LAMB4: variants seen among roughly 807,000 people sequenced by gnomAD.
The protein encoded by LAMB4 is laminin subunit beta-4.
Under a neutral mutation model 199.2 loss-of-function variants are expected in LAMB4, and 196 were observed. The ratio of observed to expected loss-of-function variants is 0.98; its 90% CI spans 0.88 to 1.11. LAMB4 has a LOEUF of 1.11. LAMB4 is among the 50% of genes least tolerant of loss of function. The pLI is 0.00. For missense variants in LAMB4, 2,080 were observed against 2,171.2 expected, an observed-to-expected ratio of 0.96 and a Z score of 0.83; for synonymous variants, 744 against 770.6, an observed-to-expected ratio of 0.97 and a Z score of 0.57.
At chr7:108,104,894 A>C (rs897415140) in intron 8 of LAMB4, among the ~76,000 whole-genome samples, 7 of 152,060 alleles carry the variant, frequency 4.6e-5, no homozygotes, top group Non-Finnish European at 1.0e-4. Context: ...TGCAGCCCTC[A>C]ATAAAATGAG....
rs1458406095 is a variant in LAMB4, at chr7:108,123,188, T to G, written c.-24A>C. On this transcript the variant is annotated 5_prime_UTR_variant, in exon 2 of 34. Transcript: ENST00000388781. The stretch of plus-strand genomic sequence containing the variant: ...ATTCTTTTGTCAGGAGATGATTAAA[T>G]TCAATTCTACTGGGTTAAAAAAAGG... 6.2e-7 allele frequency: 1 copy of G among 1,600,818 alleles called. No homozygotes were observed. The highest frequency in any genetic ancestry group is 8.5e-7 in the Non-Finnish European group (1 of 1,172,562).
Position 108,024,091 on chromosome 7 carries a change from A to T in LAMB4, c.5234T>A (p.Ile1745Asn). 6.2e-7 allele frequency: 1 copy of T among 1,608,358 alleles called. No individual in the cohort carries two copies. Among genetic ancestry groups the T allele is most frequent in the Non-Finnish European group, 8.5e-7 (1 of 1,176,988 alleles). Residue 1745 changes from isoleucine to asparagine, a missense_variant, in exon 34 of 34, where the codon ATT (isoleucine) becomes AAT (asparagine). By Grantham distance (149) the Ile-to-Asn change is moderately radical. Transcript: ENST00000388781. Reference protein sequence around the residue: ...LRILEDQVVAIKNEIVEQEKK... With the variant: ...LRILEDQVVANKNEIVEQEKK... ...TTCTTGTTCAACAATTTCATTTTTA[A>T]TGGCAACAACTTGATCTTCCAATAT...
intron 6 of LAMB4, 52 bp downstream of exon 6, chr7:108,107,579 A>G: frequency 2.9e-6 from 4 of 1,379,448 alleles, no homozygotes; most frequent in Non-Finnish European, 4.0e-6. Flanking sequence ...AGTTAATTAT[A>G]CTTTTTAAAA....
At position 108,085,403 on chromosome 7, in the gene LAMB4, T is replaced by C. The variant is rs548327181; in HGVS notation, c.1702-5617A>G. Among the ~76,000 whole-genome samples, 9 of 152,328 alleles carry C rather than the reference T, an allele frequency of 5.9e-5. No individual in the cohort carries two copies. The South Asian group carries it at 1.9e-3, about 32-fold the overall frequency. On this transcript the variant is annotated intron_variant, in intron 14 of 33. Coordinates refer to ENST00000388781, the MANE Select transcript of LAMB4 (RefSeq NM_007356.3). Reference sequence around the variant, plus strand: ...AAACTGGCACTGCACTCTGCAAAGATGAATGGTACAATTCATACTAATAAT... The same window carrying C: ...AAACTGGCACTGCACTCTGCAAAGACGAATGGTACAATTCATACTAATAAT...
intron 1 of LAMB4, among the ~76,000 whole-genome samples, chr7:108,124,023 T>C (rs1234651748): frequency 2.0e-5 from 3 of 151,868 alleles, no homozygotes; most frequent in African/African-American, 4.8e-5. Context: ...TTTTTTTTTT[T>C]CCTTTTTTTA....
At chr7:108,079,256 C>T (rs901787597) in intron 15 of LAMB4, among the ~76,000 whole-genome samples, 24 of 152,160 alleles carry the variant, frequency 1.6e-4, no homozygotes, top group African/African-American at 5.3e-4. Flanking sequence ...AATGTCTGCA[C>T]ATGTGTTGGT....
At chr7:108,052,039 C>T in intron 26 of LAMB4, 58 bp downstream of exon 26, 1 of 1,445,976 alleles carries the variant, frequency 6.9e-7, no homozygotes, top group South Asian at 1.3e-5. Context: ...TAATGGAATG[C>T]ACTGTGGATT....
downstream of LAMB4, among the ~76,000 whole-genome samples, chr7:108,018,717 A>T (rs1395786421): frequency 1.3e-5 from 2 of 151,862 alleles, no homozygotes; most frequent in Non-Finnish European, 2.9e-5. Context: ...AAACAAAAAC[A>T]AAAAAGAGGC....
At chr7:108,093,318 G>A (rs1399973751) in intron 12 of LAMB4, among the ~76,000 whole-genome samples, 2 of 152,150 alleles carry the variant, frequency 1.3e-5, no homozygotes, top group Admixed American at 6.5e-5. Context: ...ATCTGCCTCG[G>A]CCTCCCAAAG....
In LAMB4 at chr7:108,104,503, G is replaced by C; in HGVS notation, c.987C>G (p.Cys329Trp). Residue 329 changes from cysteine to tryptophan, a missense_variant, in exon 9 of 34, where the codon TGC becomes TGG. Transcript: ENST00000388781. ...AGGGAACTGAGTTTCACCCACATCT[G>C]CAAGCGTTGTCCTGGAGGTCTGCAG... is the stretch of plus-strand genomic sequence containing the variant. ...RPAADLQDNA[C>W]RSCSCNSHSS... 2 of 1,614,116 alleles carry C rather than the reference G, an allele frequency of 1.2e-6. No individual in the cohort carries two copies. The highest frequency in any genetic ancestry group is 1.7e-6 in the Non-Finnish European group (2 of 1,179,994).
intron 1 of LAMB4, among the ~76,000 whole-genome samples, chr7:108,124,937 C>T (rs548078609): frequency 6.6e-5 from 10 of 152,256 alleles, no homozygotes; most frequent in Non-Finnish European, 1.3e-4. Context: ...GTCAGCCTCC[C>T]TATGAAGTCT....
At chr7:108,026,975 C>T (rs1027041547) in intron 33 of LAMB4, 7 of 483,710 alleles carry the variant, frequency 1.4e-5, no homozygotes, top group Admixed American at 4.7e-5. Context: ...CTGAGAAGCC[C>T]TCTAACTTCA....
At chr7:108,015,624 A>G in the LAMB4 span, among the ~76,000 whole-genome samples, 1 of 152,170 alleles carries the variant, frequency 6.6e-6, no homozygotes, top group Non-Finnish European at 1.5e-5. Context: ...TTTCCTATAT[A>G]ATCAAATAAA....
chr7:108,104,104 C>G (rs1221749920), intron 9 of LAMB4, among the ~76,000 whole-genome samples: 1 of 152,148 alleles, frequency 6.6e-6, no homozygotes. Context: ...TATTATCCTA[C>G]AGATGGGTTT....
Position 108,062,772 on chromosome 7 carries a change from G to C in LAMB4, c.3282+2C>G. 7.1e-7 allele frequency: 1 copy of C among 1,417,096 alleles called. No individual in the cohort carries two copies. Among genetic ancestry groups the C allele is most frequent in the Non-Finnish European group, 9.3e-7 (1 of 1,076,916 alleles). 87.8% of individuals were successfully genotyped at this position (1,417,096 alleles called of 1,614,324 possible). ...GCACTAGTAAGCTTTAAAGTATCTT[G>C]CCTGGTCACAGTGGCTACTTTGAGA... On this transcript the variant is annotated splice_donor_variant, in intron 23 of 33. Coordinates refer to ENST00000388781, the MANE Select transcript of LAMB4 (RefSeq NM_007356.3). LOFTEE classifies it high-confidence loss of function.
chr7:108,109,004 G>T (rs1292206381), intron 5 of LAMB4, among the ~76,000 whole-genome samples, 167 bp downstream of exon 5: 6 of 151,752 alleles, frequency 4.0e-5, no homozygotes, highest in Admixed American at 3.9e-4. Flanking sequence ...TTTTTAAAAA[G>T]TGTTTTTTTT....
intron 3 of LAMB4, among the ~76,000 whole-genome samples, chr7:108,114,124 T>C (rs984785106): frequency 2.3e-4 from 35 of 152,186 alleles, no homozygotes; most frequent in Admixed American, 1.3e-4. Flanking sequence ...GAGAACAAGA[T>C]GGCTGGCGCT....
At chr7:108,129,290 C>A (rs1411618405) in intron 1 of LAMB4, among the ~76,000 whole-genome samples, 5 of 152,178 alleles carry the variant, frequency 3.3e-5, no homozygotes, top group Admixed American at 2.6e-4. Context: ...TACTACAGCA[C>A]CTTTCTTCTG....
Position 108,092,324 on chromosome 7 carries a change from T to G in LAMB4, c.1550+13A>C. On this transcript the variant is annotated intron_variant, in intron 13 of 33. Transcript: ENST00000388781. ...TAAATAAGGAATATTGCTATAAAACTTATTTGACTTACACGTTAGAATAAG... is the reference window on the plus strand; with the variant it reads ...TAAATAAGGAATATTGCTATAAAACGTATTTGACTTACACGTTAGAATAAG... 6.3e-7 allele frequency: 1 copy of G among 1,598,624 alleles called. No homozygotes were observed. The highest frequency in any genetic ancestry group is 8.6e-7 in the Non-Finnish European group (1 of 1,165,934).
Sources: allele counts gnomAD v4.1 joint callset (sites outside exome capture counted in the v4.1 genomes callset), GRCh38; gene constraint gnomAD v4.1.1; transcripts MANE v1.5; gene names NCBI Gene and HGNC (gene_info 2026-07-23, HGNC 2026-07-21).